ZNF90: variants seen among roughly 807,000 people sequenced by gnomAD.
The protein encoded by ZNF90 is zinc finger protein HTF9.
A neutral mutation model predicts 12.0 loss-of-function variants in ZNF90; 11 were observed. The ratio of observed to expected loss-of-function variants is 0.92; its 90% CI spans 0.58 to 1.52. The LOEUF is 1.52. ZNF90 is among the 40% of genes most tolerant of loss of function. The pLI, the probability that ZNF90 is intolerant of heterozygous loss-of-function variation, is 0.00. For synonymous variants in ZNF90, 232 were observed against 240.1 expected (o/e 0.97, Z 0.31); for missense variants, 765 against 711.5 (o/e 1.08, Z -0.86).
Position 20,119,304 on chromosome 19 carries a change from AAG to A in ZNF90, c.1753_1754del (p.Arg585AspfsTer61). ...FNLSSDLNTH[K>X]RIHIGQKAYI... ...CTTGTCCTCAGACCTTAATACACAT[AAG>A]AGGATTCATATTGGACAGAAAGCCT... is the stretch of plus-strand genomic sequence containing the variant. On this transcript the variant is annotated frameshift_variant, in exon 4 of 4. Transcript: ENST00000418063. LOFTEE classifies it high-confidence loss of function. 6.2e-7 allele frequency: 1 copy of A among 1,610,582 alleles called. No homozygotes were observed. Among genetic ancestry groups the A allele is most frequent in the Non-Finnish European group, 8.5e-7 (1 of 1,178,218 alleles).
chr19:20,114,921 TCTTA>T lies in ZNF90; in HGVS notation c.227-2857_227-2854del, dbSNP rs1297582677. On this transcript the variant is annotated intron_variant, in intron 3 of 3. Coordinates refer to ENST00000418063, the MANE Select transcript of ZNF90 (RefSeq NM_007138.2). ...TTCTCTCTATGTGTTTATTCCGTTTTCTTACTATTTGCTTTATATATTTGAAACC... is the reference window on the plus strand; with the variant it reads ...TTCTCTCTATGTGTTTATTCCGTTTTCTATTTGCTTTATATATTTGAAACC... Among the ~76,000 whole-genome samples the T allele has an allele frequency of 8.6e-4, 131 of 152,326 alleles. 1 individual carries two copies. Among genetic ancestry groups the T allele is most frequent in the African/African-American group, 3.0e-3 (123 of 41,590 alleles).
rs544543863 is a variant in ZNF90 at position 20,116,533 on chromosome 19, T to C, written c.227-1248T>C. 5.3e-5 allele frequency among the ~76,000 whole-genome samples: 8 copies of C among 152,340 alleles called. No homozygotes were observed. The South Asian group carries it at 1.7e-3, about 32-fold the overall frequency. ...TTTTATAGTTGCTTTTGAAATGTTT[T>C]TCATTGGGCCATGTTTCTCTAATAT... On this transcript the variant is annotated intron_variant, in intron 3 of 3. Coordinates refer to ENST00000418063, the MANE Select transcript of ZNF90 (RefSeq NM_007138.2).
intron 1 of ZNF90, among the ~76,000 whole-genome samples, chr19:20,099,736 A>G (rs968056054): frequency 6.6e-6 from 1 of 152,232 alleles, no homozygotes; most frequent in African/African-American, 2.4e-5. Flanking sequence ...TGTTAGGGAG[A>G]GACATCCTAG....
rs1568294469 is a variant in ZNF90 at position 20,118,462 on chromosome 19, A to G, written c.908A>G (p.His303Arg). ...ATTTCATCCTCGATCCTTTATGTAC[A>G]TAAGATAAGTCATACTGAAGAGAAA... ...AFISSSILYV[H>R]KISHTEEKPY... The change falls in exon 4 of 4, where the codon CAT becomes CGT. Residue 303 changes from histidine to arginine, a missense_variant. Coordinates refer to ENST00000418063, the MANE Select transcript of ZNF90 (RefSeq NM_007138.2). 3.7e-6 allele frequency: 6 copies of G among 1,613,488 alleles called. No homozygotes were observed. Among genetic ancestry groups the G allele is most frequent in the Non-Finnish European group, 5.1e-6 (6 of 1,179,710 alleles).
At chr19:20,110,056 A>T (rs1229422690) in intron 3 of ZNF90, among the ~76,000 whole-genome samples, 1 of 152,150 alleles carries the variant, frequency 6.6e-6, no homozygotes, top group South Asian at 2.1e-4. Flanking sequence ...TAATTTTGTT[A>T]CTGTATTAAT....
chr19:20,118,254 T>C lies in ZNF90; in HGVS notation c.700T>C (p.Cys234Arg), dbSNP rs782115576. ...TGEKRYKCED[C>R]GKELKYSSTL... ...AGAGAAACGGTACAAATGTGAAGAT[T>C]GTGGCAAAGAATTAAAGTATTCCTC... Residue 234 changes from cysteine to arginine, a missense_variant, in exon 4 of 4, where the codon TGT becomes CGT. Physicochemically the swap from Cys to Arg is radical, Grantham distance 180 (BLOSUM62 -3). Transcript: ENST00000418063. The C allele has an allele frequency of 1.9e-6, 3 of 1,561,236 alleles. No homozygotes were observed. The South Asian group carries it at 3.5e-5, about 18-fold the overall frequency.
intron 1 of ZNF90, among the ~76,000 whole-genome samples, chr19:20,095,290 G>A (rs930024987): frequency 6.6e-6 from 1 of 152,160 alleles, no homozygotes; most frequent in African/African-American, 2.4e-5. Context: ...CTTGTAGGAT[G>A]AAGAAATCGA....
chr19:20,109,026 G>A (rs1329628433), intron 3 of ZNF90, among the ~76,000 whole-genome samples: 1 of 152,112 alleles, frequency 6.6e-6, no homozygotes, highest in Non-Finnish European at 1.5e-5. Flanking sequence ...CCCGGCTTCA[G>A]TGTAGGTTTC....
intron 3 of ZNF90, 127 bp downstream of exon 3, chr19:20,105,443 G>GT (rs782482690): frequency 2.7e-4 from 196 of 734,562 alleles, no homozygotes; most frequent in Admixed American, 1.1e-3. Flanking sequence ...CTGGGATTCT[G>GT]TTTTTTGTTT....
intron 1 of ZNF90, chr19:20,080,123 CAG>C (rs935622176): frequency 1.5e-5 from 6 of 387,158 alleles, no homozygotes; most frequent in Admixed American, 3.6e-5. Context: ...TTAGTAGAGA[CAG>C]AGTTTCTCCA....
In ZNF90 at chr19:20,121,151, C is replaced by T. The variant is rs886726681; in HGVS notation, c.*1791C>T. The T allele has an allele frequency of 4.8e-6, 1 of 209,628 alleles. No individual in the cohort carries two copies. Among genetic ancestry groups the T allele is most frequent in the African/African-American group, 2.3e-5 (1 of 42,834 alleles). The allele number at this position is 209,628 out of a possible 1,614,324, so 13.0% of individuals were successfully genotyped here. ...TTTACTAATTTTATGTAATAAAATACACTACATTAAAAAATTGTTAGATTG... is the reference window on the plus strand; with the variant it reads ...TTTACTAATTTTATGTAATAAAATATACTACATTAAAAAATTGTTAGATTG... On this transcript the variant is annotated 3_prime_UTR_variant, in exon 4 of 4. Coordinates refer to ENST00000418063, the MANE Select transcript of ZNF90 (RefSeq NM_007138.2).
intron 1 of ZNF90, among the ~76,000 whole-genome samples, chr19:20,081,254 TCTCGG>T (rs2088817639): frequency 6.6e-6 from 1 of 152,144 alleles, no homozygotes; most frequent in Non-Finnish European, 1.5e-5. Flanking sequence ...AGTGGTGCCA[TCTCGG>T]CTCACTTCAA....
intron 1 of ZNF90, among the ~76,000 whole-genome samples, chr19:20,091,364 T>G (rs542709185): frequency 0.014 from 2,113 of 151,978 alleles, 46 homozygotes; most frequent in African/African-American, 0.049. Flanking sequence ...TAAGAGACGG[T>G]CTAGCGGCTT....
chr19:20,120,885 A>G lies in ZNF90; in HGVS notation c.*1525A>G, dbSNP rs1195727871. ...TTCTATTCACATGTGAAAGCATGTG[A>G]TCAATTGATGCTGCATCAGAGATAT... On this transcript the variant is annotated 3_prime_UTR_variant, in exon 4 of 4. Coordinates refer to ENST00000418063, the MANE Select transcript of ZNF90 (RefSeq NM_007138.2). 2 of 152,224 alleles carry G rather than the reference A, an allele frequency of 1.3e-5. No homozygotes were observed. The highest frequency in any genetic ancestry group is 2.9e-5 in the Non-Finnish European group (2 of 68,044). The allele number at this position is 152,224 out of a possible 1,614,324, so 9.4% of individuals were successfully genotyped here. A position where few individuals can be genotyped will look rare whatever the true frequency, so the allele number is the denominator to read the frequency against.
intron 3 of ZNF90, among the ~76,000 whole-genome samples, chr19:20,106,605 C>G (rs1353745306): frequency 1.3e-5 from 2 of 152,212 alleles, no homozygotes; most frequent in Non-Finnish European, 2.9e-5. Context: ...AGGCACCCGC[C>G]ACCACGCCCA....
intron 1 of ZNF90, among the ~76,000 whole-genome samples, chr19:20,093,832 G>A (rs1555703000): frequency 7.2e-5 from 11 of 152,106 alleles, no homozygotes; most frequent in South Asian, 2.1e-4. Flanking sequence ...CCCAAAGCTC[G>A]GCGTCCATGA....
intron 1 of ZNF90, among the ~76,000 whole-genome samples, chr19:20,093,023 T>C (rs1182797158): frequency 6.7e-6 from 1 of 150,114 alleles, no homozygotes; most frequent in Non-Finnish European, 1.5e-5. Context: ...CTGGGACTGA[T>C]GGGTGTCAGG....
rs538295492 is a variant in ZNF90 at position 20,113,777 on chromosome 19, G to C, written c.227-4004G>C. 3.1e-3 allele frequency among the ~76,000 whole-genome samples: 466 copies of C among 152,118 alleles called. 1 individual carries two copies. Among genetic ancestry groups the C allele is most frequent in the Non-Finnish European group, 5.1e-3 (348 of 68,000 alleles). ...CGGGAGGCAGAGCTTGCAGTGAGCG[G>C]AGATCGCGCCACTGCACTCCAGCCT... On this transcript the variant is annotated intron_variant, in intron 3 of 3. Coordinates refer to ENST00000418063, the MANE Select transcript of ZNF90 (RefSeq NM_007138.2).
In ZNF90 at chr19:20,120,867, C is replaced by T. The variant is rs2089189059; in HGVS notation, c.*1507C>T. 1 of 152,106 alleles carries T rather than the reference C, an allele frequency of 6.6e-6. No individual in the cohort carries two copies. The highest frequency in any genetic ancestry group is 2.1e-4 in the South Asian group (1 of 4,832). The allele number at this position is 152,106 out of a possible 1,614,324, so 9.4% of individuals were successfully genotyped here. Reference sequence around the variant, plus strand: ...TTTATGCTGTTACTTTATTTCTATTCACATGTGAAAGCATGTGATCAATTG... The same window carrying T: ...TTTATGCTGTTACTTTATTTCTATTTACATGTGAAAGCATGTGATCAATTG... On this transcript the variant is annotated 3_prime_UTR_variant, in exon 4 of 4. Coordinates refer to ENST00000418063, the MANE Select transcript of ZNF90 (RefSeq NM_007138.2).
Sources: allele counts gnomAD v4.1 joint callset (sites outside exome capture counted in the v4.1 genomes callset), GRCh38; gene constraint gnomAD v4.1.1; transcripts MANE v1.5; gene names NCBI Gene and HGNC (gene_info 2026-07-23, HGNC 2026-07-21).